CSRNP3: variants seen among roughly 807,000 people sequenced by gnomAD.
CSRNP3 encodes the protein cysteine and serine rich nuclear protein 3.
A neutral mutation model predicts 48.0 loss-of-function variants in CSRNP3; 12 were observed. The ratio of observed to expected loss-of-function variants is 0.25; its 90% confidence interval spans 0.16 to 0.41. The LOEUF is 0.41. Among genes scored for constraint, CSRNP3 ranks in the 10% least tolerant of loss-of-function variants. The pLI is 1.00. For synonymous variants in CSRNP3, 263 were observed against 269.7 expected (o/e 0.98, Z 0.24); for missense variants, 580 against 724.4 (o/e 0.80, Z 2.29).
chr2:165,595,537 A>G (rs1685795827), intron 4 of CSRNP3, among the ~76,000 whole-genome samples: 1 of 152,222 alleles, frequency 6.6e-6, no homozygotes, highest in South Asian at 2.1e-4. Context: ...AGTTTCAAAA[A>G]AAAAGTATCC....
chr2:165,522,871 T>C (rs764825650), intron 3 of CSRNP3, among the ~76,000 whole-genome samples: 36 of 152,042 alleles, frequency 2.4e-4, no homozygotes, highest in Non-Finnish European at 4.7e-4. Flanking sequence ...TGTACTCACA[T>C]TCATGAGTGC....
chr2:165,616,850 T>C (rs1267894494), intron 4 of CSRNP3, among the ~76,000 whole-genome samples: 2 of 152,136 alleles, frequency 1.3e-5, no homozygotes, highest in African/African-American at 4.8e-5. Context: ...TCTTTAAATT[T>C]GTTTTTTTGT....
chr2:165,681,827 G>GTATA lies in CSRNP3; in HGVS notation c.*2075_*2076insATAT, dbSNP rs200047851. The GTATA allele has an allele frequency of 7.2e-5, 10 of 138,756 alleles. No homozygotes were observed. Among genetic ancestry groups the GTATA allele is most frequent in the African/African-American group, 2.7e-4 (10 of 37,120 alleles). The allele number at this position is 138,756 out of a possible 1,614,324, so 8.6% of individuals were successfully genotyped here. ...TATGTGTGTGTGTGTGTGTGTGTGT[G>GTATA]TGTATATATATATATCCCATGTTGT... On this transcript the variant is annotated 3_prime_UTR_variant, in exon 7 of 7. Coordinates refer to ENST00000651982, the MANE Select transcript of CSRNP3 (RefSeq NM_001172173.2).
intron 5 of CSRNP3, among the ~76,000 whole-genome samples, chr2:165,668,210 A>G (rs1236231684): frequency 6.6e-6 from 1 of 152,104 alleles, no homozygotes; most frequent in Non-Finnish European, 1.5e-5. Context: ...AAATCAAAAG[A>G]GTAATACGTT....
intron 3 of CSRNP3, among the ~76,000 whole-genome samples, chr2:165,528,545 G>A (rs551576640): frequency 1.2e-3 from 189 of 152,170 alleles, no homozygotes; most frequent in African/African-American, 4.3e-3. Context: ...TTCTGCATGT[G>A]GATATCCAGT....
rs1310410990 is a variant in CSRNP3, at chr2:165,681,431, A to G, written c.*1678A>G. 2 of 151,482 alleles carry G rather than the reference A, an allele frequency of 1.3e-5. No individual in the cohort carries two copies. The highest frequency in any genetic ancestry group is 2.9e-5 in the Non-Finnish European group (2 of 67,862). The allele number at this position is 151,482 out of a possible 1,614,324, so 9.4% of individuals were successfully genotyped here. A position where few individuals can be genotyped will look rare whatever the true frequency, so the allele number is the denominator to read the frequency against. On this transcript the variant is annotated 3_prime_UTR_variant, in exon 7 of 7. Coordinates refer to ENST00000651982, the MANE Select transcript of CSRNP3 (RefSeq NM_001172173.2). Reference sequence around the variant, plus strand: ...TCTCAATTTCTAAAAAAAATATTTTATTTAATTGAACTTAAAAATGCTTGA... The same window carrying G: ...TCTCAATTTCTAAAAAAAATATTTTGTTTAATTGAACTTAAAAATGCTTGA...
At chr2:165,624,364 C>T (rs1407880619) in intron 4 of CSRNP3, among the ~76,000 whole-genome samples, 5 of 152,204 alleles carry the variant, frequency 3.3e-5, no homozygotes, top group Non-Finnish European at 5.9e-5. Flanking sequence ...TATAGAATCG[C>T]CAAAGAGGGC....
In CSRNP3 at chr2:165,530,977, T is replaced by C. The variant is rs188497242; in HGVS notation, c.-24+13016T>C. Among the ~76,000 whole-genome samples the C allele has an allele frequency of 1.3e-4, 20 of 152,218 alleles. No individual in the cohort carries two copies. The East Asian group carries it at 3.7e-3, about 28-fold the overall frequency. On this transcript the variant is annotated intron_variant, in intron 3 of 6. Transcript: ENST00000651982. ...CTAAAATAACTCCATAAAATTCTTT[T>C]TTTTTTCAGTGATCATTTTAAAAGC...
intron 4 of CSRNP3, among the ~76,000 whole-genome samples, chr2:165,639,558 T>C (rs1686691798): frequency 6.6e-6 from 1 of 152,156 alleles, no homozygotes; most frequent in South Asian, 2.1e-4. Context: ...AGTCAAAAGG[T>C]GTCCTTTAAA....
At chr2:165,648,368 T>C (rs1686848189) in intron 4 of CSRNP3, among the ~76,000 whole-genome samples, 1 of 152,200 alleles carries the variant, frequency 6.6e-6, no homozygotes, top group Non-Finnish European at 1.5e-5. Flanking sequence ...CATTTTATGT[T>C]GATGGCTAGG....
At chr2:165,510,794 A>C (rs1408469422) in intron 2 of CSRNP3, among the ~76,000 whole-genome samples, 1 of 152,186 alleles carries the variant, frequency 6.6e-6, no homozygotes, top group Non-Finnish European at 1.5e-5. Flanking sequence ...TAGAGTAAAC[A>C]GTAGATATGA....
intron 1 of CSRNP3, among the ~76,000 whole-genome samples, chr2:165,490,643 C>T (rs201327736): frequency 0.083 from 11,244 of 134,936 alleles, 689 homozygotes; most frequent in East Asian, 0.33. Flanking sequence ...GAAATAACGC[C>T]GCATACCTAC....
intron 3 of CSRNP3, among the ~76,000 whole-genome samples, chr2:165,527,106 A>G (rs1021830322): frequency 5.3e-5 from 8 of 152,132 alleles, no homozygotes; most frequent in Admixed American, 4.6e-4. Context: ...GTGTTTTCAC[A>G]GCATATTTTA....
intron 4 of CSRNP3, among the ~76,000 whole-genome samples, chr2:165,648,420 C>T (rs1275608642): frequency 6.6e-6 from 1 of 151,880 alleles, no homozygotes; most frequent in Non-Finnish European, 1.5e-5. Flanking sequence ...GTTGTTAGTT[C>T]TACATAAGCA....
At chr2:165,556,671 A>G (rs1233150788) in intron 3 of CSRNP3, among the ~76,000 whole-genome samples, 3 of 152,192 alleles carry the variant, frequency 2.0e-5, no homozygotes, top group Non-Finnish European at 4.4e-5. Flanking sequence ...AAGAAAAAGA[A>G]AATCTGTACT....
At chr2:165,489,275 T>C (rs1684167821) in intron 1 of CSRNP3, among the ~76,000 whole-genome samples, 2 of 149,634 alleles carry the variant, frequency 1.3e-5, no homozygotes. Flanking sequence ...AATAGACCAA[T>C]AACAGGAGCT....
intron 1 of CSRNP3, among the ~76,000 whole-genome samples, chr2:165,478,405 G>T (rs1683997550): frequency 6.6e-6 from 1 of 151,890 alleles, no homozygotes; most frequent in Admixed American, 6.6e-5. Flanking sequence ...CCCCCATGTT[G>T]TGCTTTTAAA....
At chr2:165,611,193 A>G (rs936990957) in intron 4 of CSRNP3, among the ~76,000 whole-genome samples, 6 of 151,536 alleles carry the variant, frequency 4.0e-5, no homozygotes, top group African/African-American at 1.5e-4. Flanking sequence ...ATATGGGATT[A>G]GGAAAAGAAA....
At chr2:165,664,054 T>C (rs1687138903) in intron 5 of CSRNP3, among the ~76,000 whole-genome samples, 1 of 152,174 alleles carries the variant, frequency 6.6e-6, no homozygotes, top group Non-Finnish European at 1.5e-5. Context: ...AGGGTCCTAT[T>C]GTGACTTCAG....
Sources: gnomAD v4.1 joint callset for allele counts (sites outside exome capture counted in the v4.1 genomes callset) on GRCh38, gnomAD v4.1.1 for gene constraint, MANE v1.5 for transcripts, NCBI Gene and HGNC (gene_info 2026-07-23, HGNC 2026-07-21) for gene names.